LHFPL3: variants seen among roughly 807,000 people sequenced by gnomAD.
The protein encoded by LHFPL3 is LHFPL tetraspan subfamily member 3 protein.
LHFPL3 carries 5 observed loss-of-function variants against 19.3 expected under a neutral mutation model. That is an observed-to-expected ratio of 0.26 (90% CI 0.14 to 0.54). The LOEUF (loss-of-function observed/expected upper bound fraction) is 0.54, where lower values mean the gene tolerates loss of function less well. Ranked by LOEUF, LHFPL3 falls within the 20% of genes least tolerant of loss-of-function variation. The pLI, the probability that LHFPL3 is intolerant of heterozygous loss-of-function variation, is 0.94. For synonymous variants in LHFPL3, 133 were observed against 126.2 expected, an observed-to-expected ratio of 1.05 and a Z score of -0.36; for missense variants, 249 against 307.4, an observed-to-expected ratio of 0.81 and a Z score of 1.42.
intron 2 of LHFPL3, among the ~76,000 whole-genome samples, chr7:104,870,079 C>T (rs1202348132): frequency 2.9e-5 from 4 of 139,914 alleles, no homozygotes; most frequent in African/African-American, 1.0e-4. Flanking sequence ...CATCACACAC[C>T]GGGGCCTGCT....
At chr7:104,551,579 C>T (rs1794663389) in intron 1 of LHFPL3, among the ~76,000 whole-genome samples, 1 of 152,046 alleles carries the variant, frequency 6.6e-6, no homozygotes, top group Non-Finnish European at 1.5e-5. Flanking sequence ...AATTTATTCA[C>T]AAATGCCTTC....
intron 1 of LHFPL3, among the ~76,000 whole-genome samples, chr7:104,498,112 T>C (rs1444272289): frequency 1.3e-5 from 2 of 152,220 alleles, no homozygotes; most frequent in African/African-American, 2.4e-5. Context: ...TTTCTTAAAC[T>C]CTTACATAAG....
rs146868394 is a variant in LHFPL3 at position 104,797,527 on chromosome 7, C to A, written c.682+60616C>A. Among the ~76,000 whole-genome samples the A allele has an allele frequency of 1.6e-3, 245 of 152,230 alleles. 1 individual carries two copies. Among genetic ancestry groups the A allele is most frequent in the African/African-American group, 5.4e-3 (225 of 41,532 alleles). Reference sequence around the variant, plus strand: ...AGCATGGAGCAGAGCCCCCAGTCAGCCCATGATGGAGATGAGCAAGAAATA... The same window carrying A: ...AGCATGGAGCAGAGCCCCCAGTCAGACCATGATGGAGATGAGCAAGAAATA... On this transcript the variant is annotated intron_variant, in intron 2 of 2. Coordinates refer to ENST00000424859, the MANE Select transcript of LHFPL3 (RefSeq NM_199000.3).
chr7:104,761,484 TCAAAG>T (rs552410564), intron 2 of LHFPL3, among the ~76,000 whole-genome samples: 63 of 152,292 alleles, frequency 4.1e-4, no homozygotes, highest in African/African-American at 1.5e-3. Context: ...CTGCCATTTC[TCAAAG>T]CTTCCCCCTG....
chr7:104,514,502 T>G (rs2115782332), intron 1 of LHFPL3, among the ~76,000 whole-genome samples: 1 of 152,296 alleles, frequency 6.6e-6, no homozygotes, highest in Admixed American at 6.5e-5. Flanking sequence ...AAATAATTTG[T>G]TGCCTGAATG....
At chr7:104,588,242 G>A (rs1332235315) in intron 1 of LHFPL3, among the ~76,000 whole-genome samples, 2 of 152,088 alleles carry the variant, frequency 1.3e-5, no homozygotes, top group East Asian at 1.9e-4. Context: ...AGGTTTTTAT[G>A]GTTTCAGGTC....
chr7:104,426,625 G>T (rs1791851785), intron 1 of LHFPL3, among the ~76,000 whole-genome samples: 1 of 152,160 alleles, frequency 6.6e-6, no homozygotes. Context: ...TTATGAAAAG[G>T]ACCCAATAAA....
At chr7:104,506,108 C>T (rs547097356) in intron 1 of LHFPL3, among the ~76,000 whole-genome samples, 1 of 152,076 alleles carries the variant, frequency 6.6e-6, no homozygotes, top group African/African-American at 2.4e-5. Flanking sequence ...CCTCTGCCTC[C>T]TGAGTTCAAG....
intron 1 of LHFPL3, among the ~76,000 whole-genome samples, chr7:104,604,813 C>T (rs1029435255): frequency 6.6e-6 from 1 of 152,064 alleles, no homozygotes; most frequent in Non-Finnish European, 1.5e-5. Context: ...TTTTTCTACT[C>T]AATTATTCAG....
chr7:104,424,250 C>T (rs1791793800), intron 1 of LHFPL3, among the ~76,000 whole-genome samples: 1 of 152,194 alleles, frequency 6.6e-6, no homozygotes, highest in Non-Finnish European at 1.5e-5. Context: ...TTGATAGGCA[C>T]TTGCTGTGCA....
chr7:104,423,385 G>A (rs759138489), intron 1 of LHFPL3, among the ~76,000 whole-genome samples: 1 of 152,092 alleles, frequency 6.6e-6, no homozygotes, highest in Non-Finnish European at 1.5e-5. Flanking sequence ...GGCCAAAGTG[G>A]GAGGATTGCT....
intron 1 of LHFPL3, among the ~76,000 whole-genome samples, chr7:104,674,372 C>CTTTTTTTT (rs531335106): frequency 7.4e-6 from 1 of 134,706 alleles, no homozygotes; most frequent in African/African-American, 2.7e-5. Context: ...TTTTCTTTTT[C>CTTTTTTTT]TTTTTTTTTT....
chr7:104,373,718 T>C (rs985767133), intron 1 of LHFPL3, among the ~76,000 whole-genome samples: 10 of 152,186 alleles, frequency 6.6e-5, no homozygotes, highest in Admixed American at 5.2e-4. Context: ...GGCAGTTCTA[T>C]GGTGGCTGCC....
intron 2 of LHFPL3, among the ~76,000 whole-genome samples, chr7:104,843,889 G>C (rs1791261404): frequency 6.6e-6 from 1 of 152,194 alleles, no homozygotes. Flanking sequence ...AATAAGATCT[G>C]TCTCAATAGG....
rs1264754639 is a variant in LHFPL3, at chr7:104,817,761, G to T, written c.682+80850G>T. ...ATTCTAATCCCATACAAACCCCCAT[G>T]GCCACACCATGATACCCTCCTTCTC... On this transcript the variant is annotated intron_variant, in intron 2 of 2. Coordinates refer to ENST00000424859, the MANE Select transcript of LHFPL3 (RefSeq NM_199000.3). 4.6e-5 allele frequency among the ~76,000 whole-genome samples: 7 copies of T among 151,984 alleles called. No homozygotes were observed. The East Asian group carries it at 1.3e-3, about 29-fold the overall frequency.
At chr7:104,788,397 A>G (rs566541311) in intron 2 of LHFPL3, among the ~76,000 whole-genome samples, 6 of 152,292 alleles carry the variant, frequency 3.9e-5, no homozygotes, top group Admixed American at 2.0e-4. Context: ...TTAACTTAGC[A>G]CAGTCTTCAC....
At chr7:104,797,955 CA>C (rs368933915) in intron 2 of LHFPL3, among the ~76,000 whole-genome samples, 2 of 144,362 alleles carry the variant, frequency 1.4e-5, no homozygotes, top group African/African-American at 2.6e-5. Context: ...ACAACAACAA[CA>C]AACTATCAAT....
intron 1 of LHFPL3, among the ~76,000 whole-genome samples, chr7:104,468,658 C>CTTTT (rs11388073): frequency 1.5e-5 from 2 of 137,296 alleles, no homozygotes. Flanking sequence ...TTGTATAAAC[C>CTTTT]TTTTTTTTTT....
In LHFPL3 at chr7:104,514,334, C is replaced by T. The variant is rs555709027; in HGVS notation, c.445+185110C>T. Among the ~76,000 whole-genome samples the T allele has an allele frequency of 1.3e-5, 2 of 152,274 alleles. 1 individual carries two copies. The highest frequency in any genetic ancestry group is 4.8e-5 in the African/African-American group (2 of 41,568). ...TTAGGCTACCATGAACTTCTCCTTC[C>T]CAGTACTTACCACAGTTATAATTTT... On this transcript the variant is annotated intron_variant, in intron 1 of 2. Coordinates refer to ENST00000424859, the MANE Select transcript of LHFPL3 (RefSeq NM_199000.3).
Sources: gnomAD v4.1 joint callset for allele counts (sites outside exome capture counted in the v4.1 genomes callset) on GRCh38, gnomAD v4.1.1 for gene constraint, MANE v1.5 for transcripts, NCBI Gene and HGNC (gene_info 2026-07-23, HGNC 2026-07-21) for gene names.